Variants in ASPRV1 observed in about 807,000 individuals in gnomAD.
ASPRV1 encodes aspartic peptidase retroviral like 1, also known as retroviral-like aspartic protease 1.
ASPRV1 carries 7 observed loss-of-function variants against 11.0 expected under a neutral mutation model. The ratio of observed to expected loss-of-function variants is 0.64; its 90% CI spans 0.36 to 1.20. The LOEUF (loss-of-function observed/expected upper bound fraction) is 1.20. ASPRV1 is among the 50% of genes most tolerant of loss of function. The pLI is 0.02. For synonymous variants in ASPRV1, 136 were observed against 138.4 expected (o/e 0.98, Z 0.12); for missense variants, 299 against 320.0 (o/e 0.93, Z 0.50).
chr2:70,056,857 C>A, the ASPRV1 span, among the ~76,000 whole-genome samples: 12 of 151,772 alleles, frequency 7.9e-5, no homozygotes, highest in East Asian at 2.0e-3. Flanking sequence ...GTCTCAGCCT[C>A]GCGAGTAGCT....
At chr2:70,054,640 A>C in the ASPRV1 span, among the ~76,000 whole-genome samples, 1 of 152,158 alleles carries the variant, frequency 6.6e-6, no homozygotes, top group Non-Finnish European at 1.5e-5. Context: ...TTTCTAGTGC[A>C]TGGAACAGGA....
At chr2:70,015,104 G>T in the ASPRV1 span, among the ~76,000 whole-genome samples, 1 of 152,146 alleles carries the variant, frequency 6.6e-6, no homozygotes, top group Non-Finnish European at 1.5e-5. Context: ...CATTAGGTTG[G>T]ATACTATCAA....
At chr2:70,062,782 C>T in the ASPRV1 span, among the ~76,000 whole-genome samples, 1 of 152,148 alleles carries the variant, frequency 6.6e-6, no homozygotes, top group Non-Finnish European at 1.5e-5. Flanking sequence ...GCTTGGGCAA[C>T]ATAGCGAGAC....
the ASPRV1 span, among the ~76,000 whole-genome samples, chr2:70,023,673 C>CAAA: frequency 2.4e-4 from 30 of 125,598 alleles, no homozygotes; most frequent in African/African-American, 7.9e-4. Flanking sequence ...GACTCTGTCT[C>CAAA]AAAAAAAAAA....
chr2:69,945,269 G>A, the ASPRV1 span, among the ~76,000 whole-genome samples: 7 of 152,232 alleles, frequency 4.6e-5, no homozygotes, highest in South Asian at 2.1e-4. Context: ...ACAAACCCTC[G>A]TAATCTGCAC....
At chr2:70,076,945 A>G in the ASPRV1 span, among the ~76,000 whole-genome samples, 2 of 152,198 alleles carry the variant, frequency 1.3e-5, no homozygotes, top group Non-Finnish European at 2.9e-5. Context: ...AAAGTTGAAA[A>G]TTGTAAGTCA....
chr2:70,084,349 T>C, the ASPRV1 span, among the ~76,000 whole-genome samples: 1 of 152,210 alleles, frequency 6.6e-6, no homozygotes, highest in African/African-American at 2.4e-5. Flanking sequence ...TATTTTTAAT[T>C]CCCTCATCTA....
chr2:70,078,035 C>T, the ASPRV1 span, among the ~76,000 whole-genome samples: 1 of 152,010 alleles, frequency 6.6e-6, no homozygotes, highest in South Asian at 2.1e-4. Flanking sequence ...GGCGTGGTGG[C>T]ACACGCCTGT....
chr2:69,935,991 C>CTCTGCAGCACCA, the ASPRV1 span, among the ~76,000 whole-genome samples: 3 of 152,124 alleles, frequency 2.0e-5, no homozygotes, highest in Non-Finnish European at 1.5e-5. Context: ...CCTCACTTGC[C>CTCTGCAGCACCA]TCTGCAGCAC....
At chr2:69,983,437 C>T in the ASPRV1 span, among the ~76,000 whole-genome samples, 1 of 152,294 alleles carries the variant, frequency 6.6e-6, no homozygotes, top group Non-Finnish European at 1.5e-5. Flanking sequence ...CTGTGAAGAG[C>T]AGGTGAGGAT....
rs1678070794 is a variant in ASPRV1, at chr2:69,960,899, C to G, written c.538G>C (p.Gly180Arg). 6.2e-7 allele frequency: 1 copy of G among 1,613,964 alleles called. No individual in the cohort carries two copies. Among genetic ancestry groups the G allele is most frequent in the Non-Finnish European group, 8.5e-7 (1 of 1,180,000 alleles). The stretch of plus-strand genomic sequence containing the variant: ...AACTGTGCCTTCAGCTTCAGCTTGC[C>G]TAGGGACACCGCTGTATCCCAGACA... ...LGVWDTAVSL[G>R]KLKLKAQFLV... Residue 180 changes from glycine (G) to arginine (R), a missense_variant, in exon 1 of 1, where the codon GGC (glycine) becomes CGC (arginine). Physicochemically the swap from Gly to Arg is moderately radical, Grantham distance 125. Transcript: ENST00000320256.
chr2:70,060,397 C>T, the ASPRV1 span, among the ~76,000 whole-genome samples: 1 of 149,990 alleles, frequency 6.7e-6, no homozygotes. Context: ...TCTGTTGAAC[C>T]TGCACTGTCT....
chr2:70,012,285 G>GCTGGGACTA, the ASPRV1 span: 1 of 151,898 alleles, frequency 6.6e-6, no homozygotes, highest in Non-Finnish European at 1.5e-5. Context: ...CTCCCGAGTA[G>GCTGGGACTA]CTGGGACTAC....
the ASPRV1 span, chr2:70,030,272 G>C: frequency 6.6e-6 from 1 of 152,374 alleles, no homozygotes; most frequent in Non-Finnish European, 1.5e-5. Context: ...GGAGGAGGAG[G>C]CTGCTGGTGG....
At chr2:70,031,735 G>A in the ASPRV1 span, 2 of 152,308 alleles carry the variant, frequency 1.3e-5, no homozygotes, top group African/African-American at 4.8e-5. Context: ...ATGAAATGAT[G>A]AAATGTTCAG....
chr2:70,003,807 C>T, the ASPRV1 span, among the ~76,000 whole-genome samples: 1 of 152,184 alleles, frequency 6.6e-6, no homozygotes, highest in Admixed American at 6.5e-5. Context: ...AGTGATCAGG[C>T]CATGGGGCAG....
rs761972154 is a variant in ASPRV1, at chr2:69,961,194, T to G, written c.243A>C (p.Lys81Asn). 2 of 1,613,766 alleles carry G rather than the reference T, an allele frequency of 1.2e-6. No individual in the cohort carries two copies. Among genetic ancestry groups the G allele is most frequent in the Middle Eastern group, 1.7e-4 (1 of 6,058 alleles). ...PQDQGDYGTV[K>N]EALLKAFGVP... ...CCCCAAAGGCCTTCAGGAGGGCCTC[T>G]TTCACAGTCCCATAGTCTCCCTGGT... The change falls in exon 1 of 1, where the codon AAA (lysine) becomes AAC (asparagine). Residue 81 changes from lysine to asparagine, a missense_variant. By Grantham distance (94) the Lys-to-Asn change is moderately conservative. Transcript: ENST00000320256.
the ASPRV1 span, among the ~76,000 whole-genome samples, chr2:70,027,334 T>C: frequency 6.8e-6 from 1 of 147,170 alleles, no homozygotes; most frequent in African/African-American, 2.5e-5. Flanking sequence ...TGGAAAGTAG[T>C]ATGAAAGTTC....
chr2:69,933,217 A>C, the ASPRV1 span, among the ~76,000 whole-genome samples: 675 of 151,334 alleles, frequency 4.5e-3, 7 homozygotes, highest in South Asian at 0.013. Context: ...AAAAAAAAAA[A>C]AAAAAAACAA....
Sources: allele counts gnomAD v4.1 joint callset (sites outside exome capture counted in the v4.1 genomes callset), GRCh38; gene constraint gnomAD v4.1.1; transcripts MANE v1.5; gene names NCBI Gene and HGNC (gene_info 2026-07-23, HGNC 2026-07-21).